The following MYLK2 variants were observed in gnomAD, a reference collection of about 807,000 sequenced individuals.
MYLK2 encodes myosin light chain kinase 2, skeletal/cardiac muscle.
In MYLK2, 27 loss-of-function variants were observed where a neutral mutation model predicts 58.2. The observed-to-expected ratio is 0.46, with a 90% CI of 0.34 to 0.64. The LOEUF (loss-of-function observed/expected upper bound fraction) is 0.64, where lower values mean the gene tolerates loss of function less well. Ranked by LOEUF, MYLK2 falls within the 30% of genes least tolerant of loss-of-function variation. The probability of loss-of-function intolerance (pLI) is 0.01; values close to 1 mark genes in which losing one functional copy is unlikely to be tolerated. For missense variants in MYLK2, 676 were observed against 764.3 expected, an observed-to-expected ratio of 0.88 and a Z score of 1.36; for synonymous variants, 310 against 296.7, an observed-to-expected ratio of 1.04 and a Z score of -0.46.
At chr20:31,824,812 G>T (rs2062270629) in intron 6 of MYLK2, among the ~76,000 whole-genome samples, 1 of 152,236 alleles carries the variant, frequency 6.6e-6, no homozygotes, top group Non-Finnish European at 1.5e-5. Context: ...TTTGTTGAAG[G>T]AATGAAAGGA....
intron 8 of MYLK2, chr20:31,828,359 T>C: frequency 5.1e-5 from 50 of 985,338 alleles, no homozygotes; most frequent in Non-Finnish European, 5.8e-5. Context: ...GGAATCTTAA[T>C]GTGGAGGCGC....
At position 31,832,049 on chromosome 20, in the gene MYLK2, C is replaced by T; in HGVS notation, c.1623C>T (p.Asn541=). The part of the protein sequence containing the change: ...AAQCLAHPWL[N]NLAEKAKRCN... ...AGTGTCTCGCCCATCCCTGGCTCAA[C>T]AACCTGGCGGAGAAAGCCAAACGCT... is the stretch of plus-strand genomic sequence containing the variant. The change falls in exon 12 of 13, where the codon AAC becomes AAT. Residue 541 remains asparagine (N), a synonymous_variant. Coordinates refer to ENST00000375985, the MANE Select transcript of MYLK2 (RefSeq NM_033118.4). The T allele has an allele frequency of 6.2e-7, 1 of 1,606,824 alleles. No homozygotes were observed. Among genetic ancestry groups the T allele is most frequent in the South Asian group, 1.1e-5 (1 of 89,906 alleles).
Position 31,826,652 on chromosome 20 carries a change from C to T in MYLK2, c.1020C>T (p.Arg340=), listed in dbSNP as rs1331155233. Residue 340 remains arginine, a synonymous_variant, in exon 7 of 13, where the codon CGC becomes CGT. Coordinates refer to ENST00000375985, the MANE Select transcript of MYLK2 (RefSeq NM_033118.4). ...AGGTCATGAACCAGCTGAACCACCG[C>T]AATCTGATCCAGCTGTATGCAGCCA... The part of the protein sequence containing the change: ...EIEVMNQLNH[R]NLIQLYAAIE... The T allele has an allele frequency of 1.2e-6, 2 of 1,613,918 alleles. No individual in the cohort carries two copies. The highest frequency in any genetic ancestry group is 1.7e-6 in the Non-Finnish European group (2 of 1,180,002).
intron 6 of MYLK2, chr20:31,824,679 G>A (rs2062269808): frequency 1.6e-6 from 1 of 636,148 alleles, no homozygotes; most frequent in Non-Finnish European, 2.0e-6. Context: ...CTGGGGGTCT[G>A]GGAGTGAAGT....
intron 8 of MYLK2, among the ~76,000 whole-genome samples, chr20:31,829,680 C>T (rs988166865): frequency 4.6e-5 from 7 of 152,218 alleles, no homozygotes; most frequent in African/African-American, 1.7e-4. Flanking sequence ...CAACTTGTTC[C>T]AAGGCATATG....
chr20:31,830,088 G>A (rs1321176030), intron 8 of MYLK2, among the ~76,000 whole-genome samples: 1 of 152,168 alleles, frequency 6.6e-6, no homozygotes, highest in Non-Finnish European at 1.5e-5. Context: ...TCATTTCCTG[G>A]CTCCGTCGCT....
chr20:31,821,988 A>G (rs1486422616), intron 4 of MYLK2, among the ~76,000 whole-genome samples: 2 of 152,228 alleles, frequency 1.3e-5, no homozygotes, highest in East Asian at 3.8e-4. Context: ...TCCCAGCCTC[A>G]AGTGATCCTC....
intron 8 of MYLK2, chr20:31,828,794 C>A: frequency 1.1e-6 from 1 of 899,900 alleles, no homozygotes; most frequent in Non-Finnish European, 1.3e-6. Context: ...GTTAATATCA[C>A]TGCCACTGAC....
rs1156703017 is a variant in MYLK2 at position 31,824,721 on chromosome 20, C to T, written c.972+369C>T. Among the ~76,000 whole-genome samples the T allele has an allele frequency of 2.0e-5, 3 of 152,172 alleles. No individual in the cohort carries two copies. The East Asian group carries it at 5.8e-4, about 29-fold the overall frequency. On this transcript the variant is annotated intron_variant, in intron 6 of 12. Coordinates refer to ENST00000375985, the MANE Select transcript of MYLK2 (RefSeq NM_033118.4). ...GGTCTCCACCCTCAGGGAGCTGAAG[C>T]CAAGGTAAACAAGCCTGGCCTAGAG...
At chr20:31,827,377 T>C (rs887603358) in intron 8 of MYLK2, 17 of 985,310 alleles carry the variant, frequency 1.7e-5, no homozygotes, top group Non-Finnish European at 2.0e-5. Flanking sequence ...TGCCAGGCAA[T>C]GCTCTAGGTG....
chr20:31,833,344 G>A (rs921362275), intron 12 of MYLK2, among the ~76,000 whole-genome samples: 1 of 152,180 alleles, frequency 6.6e-6, no homozygotes, highest in Non-Finnish European at 1.5e-5. Context: ...TGAGGAACAG[G>A]TAGGAGGCCA....
At chr20:31,825,681 A>G (rs1473720609) in intron 6 of MYLK2, among the ~76,000 whole-genome samples, 3 of 151,990 alleles carry the variant, frequency 2.0e-5, no homozygotes, top group African/African-American at 7.2e-5. Flanking sequence ...AGAAAGACAT[A>G]TGTGAGGTGA....
chr20:31,821,687 G>C lies in MYLK2; in HGVS notation c.722G>C (p.Gly241Ala), dbSNP rs1428034327. ...QAVPSEKSEV[G>A]QALCLTAREE... ...GTTCCCTCAGAGAAATCCGAGGTGG[G>C]GCAGGCCCTCTGTCTCACAGCCAGG... Residue 241 changes from glycine (G) to alanine (A), a missense_variant, in exon 4 of 13, where the codon GGG becomes GCG. Transcript: ENST00000375985. The C allele has an allele frequency of 6.2e-7, 1 of 1,612,278 alleles. No homozygotes were observed. The highest frequency in any genetic ancestry group is 1.7e-5 in the Admixed American group (1 of 59,988).
At position 31,819,381 on chromosome 20, in the gene MYLK2, C is replaced by G. The variant is rs1780884821; in HGVS notation, c.-96C>G. 1.5e-6 allele frequency: 1 copy of G among 677,398 alleles called. No homozygotes were observed. Among genetic ancestry groups the G allele is most frequent in the African/African-American group, 1.8e-5 (1 of 56,588 alleles). 42.0% of individuals were successfully genotyped at this position (677,398 alleles called of 1,614,324 possible). On this transcript the variant is annotated 5_prime_UTR_variant, in exon 1 of 13. Transcript: ENST00000375985. Reference sequence around the variant, plus strand: ...ACAACTGCCCAGGACTGCTCCTGAGCAGCCGCTGGGAGACAGACGGCAACC... The same window carrying G: ...ACAACTGCCCAGGACTGCTCCTGAGGAGCCGCTGGGAGACAGACGGCAACC...
chr20:31,830,197 A>G (rs1213426538), intron 8 of MYLK2, among the ~76,000 whole-genome samples: 1 of 152,194 alleles, frequency 6.6e-6, no homozygotes, highest in Non-Finnish European at 1.5e-5. Context: ...TCAATGTCAC[A>G]GTTTCATCTC....
rs977696334 is a variant in MYLK2 at position 31,834,428 on chromosome 20, G to A, written c.*631G>A. 2.6e-5 allele frequency: 4 copies of A among 154,948 alleles called. No individual in the cohort carries two copies. Among genetic ancestry groups the A allele is most frequent in the Admixed American group, 6.4e-5 (1 of 15,660 alleles). 9.6% of individuals were successfully genotyped at this position (154,948 alleles called of 1,614,324 possible). On this transcript the variant is annotated 3_prime_UTR_variant, in exon 13 of 13. Transcript: ENST00000375985. ...CCTTCCTTGCGACCACCAACACACA[G>A]GAACTCTGTGTGAGAGAGAGGGCGC...
intron 6 of MYLK2, 130 bp from the exon 7 acceptor site, chr20:31,826,475 G>A (rs1397667332): frequency 8.0e-7 from 1 of 1,245,126 alleles, no homozygotes; most frequent in South Asian, 1.3e-5. Flanking sequence ...GGGGAGAGAG[G>A]AGAGGCAAGG....
intron 4 of MYLK2, 133 bp from the exon 5 acceptor site, chr20:31,823,344 C>T: frequency 3.9e-6 from 3 of 761,398 alleles, no homozygotes; most frequent in Non-Finnish European, 6.6e-6. Flanking sequence ...ATCCTGGAGC[C>T]AGGTGTCCCC....
chr20:31,833,498 C>T (rs568920112), intron 12 of MYLK2, among the ~76,000 whole-genome samples: 28 of 152,282 alleles, frequency 1.8e-4, no homozygotes, highest in African/African-American at 5.1e-4. Context: ...GTGTTTGGAG[C>T]AGAGCGGTCC....
Sources: gnomAD v4.1 joint callset for allele counts (sites outside exome capture counted in the v4.1 genomes callset) on GRCh38, gnomAD v4.1.1 for gene constraint, MANE v1.5 for transcripts, NCBI Gene and HGNC (gene_info 2026-07-23, HGNC 2026-07-21) for gene names.